Variants in RASGRP3 observed in about 807,000 individuals in gnomAD.
RASGRP3 encodes the protein RAS guanyl releasing protein 3, also known as ras guanyl-releasing protein 3.
RASGRP3 carries 54 observed loss-of-function variants against 82.7 expected under a neutral mutation model. The ratio of observed to expected loss-of-function variants is 0.65; its 90% confidence interval spans 0.52 to 0.82. The LOEUF (loss-of-function observed/expected upper bound fraction) is 0.82. Among genes scored for constraint, RASGRP3 ranks in the 40% least tolerant of loss-of-function variants. RASGRP3 has a pLI of 0.00. For missense variants in RASGRP3, 861 were observed against 828.9 expected, an observed-to-expected ratio of 1.04 and a Z score of -0.48; for synonymous variants, 309 against 300.5, an observed-to-expected ratio of 1.03 and a Z score of -0.29.
chr2:33,474,992 A>G (rs1412286055), upstream of RASGRP3, among the ~76,000 whole-genome samples: 1 of 152,202 alleles, frequency 6.6e-6, no homozygotes, highest in Admixed American at 6.5e-5. Flanking sequence ...TGATGGATGG[A>G]TGCCATCAGA....
chr2:33,474,385 G>GAGTGC (rs554131613), upstream of RASGRP3, among the ~76,000 whole-genome samples: 6 of 152,142 alleles, frequency 3.9e-5, no homozygotes, highest in Non-Finnish European at 7.3e-5. Context: ...GCCCAGGCTG[G>GAGTGC]AGTGCAGTGC....
intron 2 of RASGRP3, among the ~76,000 whole-genome samples, chr2:33,450,808 CTCTT>C (rs1403393427): frequency 0.1 from 6,704 of 63,976 alleles, 922 homozygotes; most frequent in Middle Eastern, 0.14. Context: ...CTTTCTTTTT[CTCTT>C]TCTTTCTTTC....
chr2:33,437,788 A>C (rs1247865353), intron 1 of RASGRP3, among the ~76,000 whole-genome samples: 1 of 152,222 alleles, frequency 6.6e-6, no homozygotes, highest in Non-Finnish European at 1.5e-5. Context: ...AATATGTTTG[A>C]ATAGAAAGAT....
At chr2:33,515,228 A>T in intron 3 of RASGRP3, 22 bp downstream of exon 3, 1 of 1,611,952 alleles carries the variant, frequency 6.2e-7, no homozygotes, top group Admixed American at 1.7e-5. Context: ...TTCTCCTTTC[A>T]TCTCTTTTGG....
chr2:33,480,440 C>A (rs1352197623), intron 1 of RASGRP3, among the ~76,000 whole-genome samples: 5 of 152,100 alleles, frequency 3.3e-5, no homozygotes, highest in Admixed American at 6.5e-5. Flanking sequence ...TTTGCTAGAC[C>A]AAAACCACTG....
chr2:33,547,298 C>CTAGG (rs1012871958), intron 13 of RASGRP3, among the ~76,000 whole-genome samples: 1 of 137,420 alleles, frequency 7.3e-6, no homozygotes, highest in Admixed American at 7.9e-5. Flanking sequence ...CTGTTAGGTG[C>CTAGG]TAGGCTGTGC....
chr2:33,443,739 G>A (rs984093093), intron 1 of RASGRP3, among the ~76,000 whole-genome samples: 1 of 149,672 alleles, frequency 6.7e-6, no homozygotes, highest in Non-Finnish European at 1.5e-5. Flanking sequence ...AAAATAGCTG[G>A]GCATGGTGGT....
At chr2:33,548,574 A>G (rs183961427) in intron 13 of RASGRP3, among the ~76,000 whole-genome samples, 3 of 152,174 alleles carry the variant, frequency 2.0e-5, no homozygotes, top group African/African-American at 4.8e-5. Context: ...CCTCTGAGAG[A>G]GGACTCCCAA....
chr2:33,558,999 A>T lies in RASGRP3; in HGVS notation c.2033A>T (p.Asp678Val), dbSNP rs1676338230. The change falls in exon 17 of 18, where the codon GAT becomes GTT. Residue 678 changes from aspartate (D) to valine (V), a missense_variant. By Grantham distance (152) the Asp-to-Val change is radical. Transcript: ENST00000403687. ...GGCACGGAGTTTGAACTTGACCAGG[A>T]TGAAGGAGAAGAGACCAGACAGGAT... ...DRGTEFELDQ[D>V]EGEETRQDGE... 4 of 1,612,804 alleles carry T rather than the reference A, an allele frequency of 2.5e-6. No homozygotes were observed. The highest frequency in any genetic ancestry group is 1.3e-5 in the African/African-American group (1 of 74,880).
intron 13 of RASGRP3, among the ~76,000 whole-genome samples, chr2:33,549,364 CTGCACACACACACACACACGCAGGA>C (rs758416498): frequency 3.3e-5 from 5 of 151,966 alleles, no homozygotes; most frequent in Non-Finnish European, 5.9e-5. Context: ...GAATATGCTC[CTGCACACACACACACACACGCAGGA>C]TGCACACATA....
intron 2 of RASGRP3, chr2:33,513,802 C>T (rs1486852226): frequency 6.6e-6 from 1 of 152,220 alleles, no homozygotes; most frequent in Non-Finnish European, 1.5e-5. Flanking sequence ...TAGCTCTCAT[C>T]CTCACATTTT....
chr2:33,448,555 T>G (rs543492909), intron 2 of RASGRP3, among the ~76,000 whole-genome samples: 29 of 152,038 alleles, frequency 1.9e-4, no homozygotes, highest in African/African-American at 7.0e-4. Context: ...AGTGAAATAA[T>G]CCAGACACAA....
intron 7 of RASGRP3, among the ~76,000 whole-genome samples, chr2:33,522,935 G>T (rs898318710): frequency 3.9e-5 from 6 of 152,182 alleles, no homozygotes; most frequent in African/African-American, 1.4e-4. Flanking sequence ...CCCCTGCACA[G>T]TTTATATGAT....
intron 2 of RASGRP3, among the ~76,000 whole-genome samples, chr2:33,461,979 A>G (rs908567121): frequency 6.6e-6 from 1 of 152,250 alleles, no homozygotes; most frequent in African/African-American, 2.4e-5. Context: ...GCTGGAAAAC[A>G]GGACTTGCAG....
At chr2:33,440,203 A>G (rs1665150509) in intron 1 of RASGRP3, among the ~76,000 whole-genome samples, 1 of 152,068 alleles carries the variant, frequency 6.6e-6, no homozygotes, top group African/African-American at 2.4e-5. Context: ...AAAACAGCTT[A>G]GGAGGGAGGT....
At chr2:33,550,360 G>C (rs934647447) in intron 14 of RASGRP3, among the ~76,000 whole-genome samples, 2 of 152,158 alleles carry the variant, frequency 1.3e-5, no homozygotes, top group African/African-American at 2.4e-5. Flanking sequence ...GGATAACCCA[G>C]GTTCCCGAGG....
rs1207279939 is a variant in RASGRP3 at position 33,549,754 on chromosome 2, A to G, written c.1542+3A>G. On this transcript the variant is annotated splice_donor_region_variant and intron_variant, in intron 14 of 17. Coordinates refer to ENST00000403687, the MANE Select transcript of RASGRP3 (RefSeq NM_001139488.2). ...TCTGCGAACACTGTGCGGGATTTGT[A>G]AGTCTGTTTTCCGTTGTTTTCTTAT... 11 of 1,611,582 alleles carry G rather than the reference A, an allele frequency of 6.8e-6. No individual in the cohort carries two copies.
chr2:33,483,110 A>G (rs1244684503), intron 1 of RASGRP3, among the ~76,000 whole-genome samples: 1 of 152,172 alleles, frequency 6.6e-6, no homozygotes. Flanking sequence ...AATGTAGGGT[A>G]ATAGAAACCT....
chr2:33,549,617 A>G lies in RASGRP3; in HGVS notation c.1408A>G (p.Ser470Gly), dbSNP rs1399690209. The change falls in exon 14 of 18, where the codon AGT (serine) becomes GGT (glycine). Residue 470 changes from serine (S) to glycine (G), a missense_variant. Coordinates refer to ENST00000403687, the MANE Select transcript of RASGRP3 (RefSeq NM_001139488.2). ...VLDKDQDGLI[S>G]KDEMMAYFLR... ...TTCTCTTAACAGGGATGGCCTAATT[A>G]GTAAAGATGAAATGATGGCTTACTT... The G allele has an allele frequency of 2.5e-6, 4 of 1,612,842 alleles. No individual in the cohort carries two copies. In the Admixed American group the frequency reaches 5.0e-5, roughly 20 times the overall value.
Sources: allele counts gnomAD v4.1 joint callset (sites outside exome capture counted in the v4.1 genomes callset), GRCh38; gene constraint gnomAD v4.1.1; transcripts MANE v1.5; gene names NCBI Gene and HGNC (gene_info 2026-07-23, HGNC 2026-07-21).